USH2A: variants seen among roughly 807,000 people sequenced by gnomAD.
The protein encoded by USH2A is Usher syndrome 2A (autosomal recessive, mild).
USH2A carries 443 observed loss-of-function variants against 538.9 expected under a neutral mutation model. That is an observed-to-expected ratio of 0.82 (90% CI 0.76 to 0.89). The LOEUF is 0.89. USH2A is among the 40% of genes least tolerant of loss of function. The pLI is 0.00. For synonymous variants in USH2A, 2,413 were observed against 2,273.5 expected (o/e 1.06, Z -1.75); for missense variants, 6,633 against 6,324.8 (o/e 1.05, Z -1.65).
chr1:216,292,078 T>C (rs904070457), intron 10 of USH2A, 97 bp downstream of exon 10: 3 of 1,372,446 alleles, frequency 2.2e-6, no homozygotes, highest in Non-Finnish European at 2.1e-6. Flanking sequence ...AAGTACATCC[T>C]TAAATAAGAT....
At chr1:215,841,784 G>A (rs1663682732) in intron 46 of USH2A, among the ~76,000 whole-genome samples, 1 of 151,964 alleles carries the variant, frequency 6.6e-6, no homozygotes, top group African/African-American at 2.4e-5. Context: ...GAAAATTTTT[G>A]CAATCTATCC....
intron 48 of USH2A, 129 bp from the exon 49 acceptor site, chr1:215,814,033 T>C (rs1007435756): frequency 1.2e-5 from 13 of 1,116,058 alleles, no homozygotes; most frequent in African/African-American, 1.6e-5. Flanking sequence ...TCATATTTCG[T>C]TGGTTTAAAA....
At chr1:216,217,892 C>T (rs2035375372) in intron 14 of USH2A, among the ~76,000 whole-genome samples, 1 of 151,992 alleles carries the variant, frequency 6.6e-6, no homozygotes, top group African/African-American at 2.4e-5. Context: ...GTAAATTTTG[C>T]TTTTACAAAA....
chr1:215,708,540 G>C (rs1290597581), intron 61 of USH2A, among the ~76,000 whole-genome samples: 1 of 152,204 alleles, frequency 6.6e-6, no homozygotes, highest in Non-Finnish European at 1.5e-5. Flanking sequence ...TTCCATGGAA[G>C]GGGGAGGTGG....
intron 44 of USH2A, among the ~76,000 whole-genome samples, 175 bp downstream of exon 44, chr1:215,866,832 A>C (rs1664481967): frequency 6.6e-6 from 1 of 152,204 alleles, no homozygotes; most frequent in Admixed American, 6.5e-5. Context: ...GGTACTAATA[A>C]AAATGGCCCT....
chr1:216,095,228 G>A (rs369361712), intron 22 of USH2A, among the ~76,000 whole-genome samples: 91 of 151,680 alleles, frequency 6.0e-4, no homozygotes, highest in African/African-American at 2.1e-3. Flanking sequence ...CTTCCGATTC[G>A]CTTCTTAGTG....
Position 216,417,226 on chromosome 1 carries a change from G to A in USH2A, c.651+1288C>T, listed in dbSNP as rs76873645. Among the ~76,000 whole-genome samples, 926 of 147,014 alleles carry A rather than the reference G, an allele frequency of 6.3e-3. 11 individuals carry two copies. Among genetic ancestry groups the A allele is most frequent in the African/African-American group, 0.023 (904 of 39,728 alleles). ...AGCCAAAACAATGAACAATTATCAAGACCCTCTGAGGACGCACACTCATTA... is the reference window on the plus strand; with the variant it reads ...AGCCAAAACAATGAACAATTATCAAAACCCTCTGAGGACGCACACTCATTA... On this transcript the variant is annotated intron_variant, in intron 3 of 71. Transcript: ENST00000307340.
At chr1:216,151,228 T>A (rs2033825391) in intron 21 of USH2A, among the ~76,000 whole-genome samples, 1 of 152,148 alleles carries the variant, frequency 6.6e-6, no homozygotes, top group Non-Finnish European at 1.5e-5. Flanking sequence ...CCTAGGAGTC[T>A]GGGTACAAGA....
chr1:216,200,985 C>CTCCCTCCCTCCA (rs1558313808), intron 16 of USH2A, among the ~76,000 whole-genome samples: 1 of 66,150 alleles, frequency 1.5e-5, no homozygotes, highest in Non-Finnish European at 2.9e-5. Flanking sequence ...CCATCCCTCC[C>CTCCCTCCCTCCA]TCCCTCCCTC....
chr1:216,322,679 AT>A (rs1169075335), intron 8 of USH2A, among the ~76,000 whole-genome samples: 2 of 151,960 alleles, frequency 1.3e-5, no homozygotes, highest in East Asian at 1.9e-4. Flanking sequence ...ACATATTTCA[AT>A]TTTTTTATTT....
chr1:215,885,004 CA>C (rs1453726957), intron 41 of USH2A, among the ~76,000 whole-genome samples: 1 of 152,064 alleles, frequency 6.6e-6, no homozygotes, highest in Admixed American at 6.5e-5. Context: ...ATGATGTTAT[CA>C]TAAAAGAAGT....
At chr1:215,672,482 TG>T (rs909396910) in intron 63 of USH2A, among the ~76,000 whole-genome samples, 16 of 152,192 alleles carry the variant, frequency 1.1e-4, no homozygotes, top group African/African-American at 3.6e-4. Flanking sequence ...ACCAGTTTAT[TG>T]GTGATCAAAT....
chr1:216,422,611 T>G (rs959125485), intron 1 of USH2A, 71 bp from the exon 2 acceptor site: 1 of 420,724 alleles, frequency 2.4e-6, no homozygotes, highest in Non-Finnish European at 4.4e-6. Flanking sequence ...ATCCCAGGCC[T>G]GAGGACTTTG....
rs1404828719 is a variant in USH2A, at chr1:216,190,289, T to C, written c.4330A>G (p.Ile1444Val). Residue 1444 changes from isoleucine to valine, a missense_variant, in exon 20 of 72, where the codon ATT becomes GTT. Transcript: ENST00000307340. Reference sequence around the variant, plus strand: ...CAACCAACTGAATTGCAGAGAGTAATAGTAAACTCATATATCCTATAAGGT... The same window carrying C: ...CAACCAACTGAATTGCAGAGAGTAACAGTAAACTCATATATCCTATAAGGT... ...LKPYRIYEFTITLCNSVGCVT... is the reference protein window; with the variant it reads ...LKPYRIYEFTVTLCNSVGCVT... 2 of 1,612,512 alleles carry C rather than the reference T, an allele frequency of 1.2e-6. No homozygotes were observed. The highest frequency in any genetic ancestry group is 8.5e-7 in the Non-Finnish European group (1 of 1,179,136).
At chr1:216,143,882 T>C (rs1047656121) in intron 21 of USH2A, among the ~76,000 whole-genome samples, 5 of 152,188 alleles carry the variant, frequency 3.3e-5, no homozygotes, top group African/African-American at 1.2e-4. Context: ...GTGACTACAA[T>C]GCAAGAAGCT....
At chr1:215,996,488 T>A (rs1019259369) in intron 34 of USH2A, among the ~76,000 whole-genome samples, 1 of 151,342 alleles carries the variant, frequency 6.6e-6, no homozygotes, top group Non-Finnish European at 1.5e-5. Flanking sequence ...TAACATATTG[T>A]CTTCTTTATT....
At chr1:215,834,702 T>C (rs1228603083) in intron 47 of USH2A, among the ~76,000 whole-genome samples, 1 of 152,080 alleles carries the variant, frequency 6.6e-6, no homozygotes, top group Admixed American at 6.6e-5. Flanking sequence ...TTTTTAGTCA[T>C]ATTGTTGGTA....
Position 216,004,916 on chromosome 1 carries a change from G to A in USH2A, c.6326-4354C>T, listed in dbSNP as rs138605493. Among the ~76,000 whole-genome samples the A allele has an allele frequency of 8.9e-3, 1,362 of 152,242 alleles. 12 individuals carry two copies. Among genetic ancestry groups the A allele is most frequent in the Middle Eastern group, 0.027 (8 of 294 alleles). ...ACTATGTGGGTGCCAATACTGGTAG[G>A]TGGGTAGATGGTAGCAGAGTCTATG... On this transcript the variant is annotated intron_variant, in intron 32 of 71. Coordinates refer to ENST00000307340, the MANE Select transcript of USH2A (RefSeq NM_206933.4).
chr1:216,263,601 G>A (rs893060269), intron 11 of USH2A, among the ~76,000 whole-genome samples: 2 of 152,088 alleles, frequency 1.3e-5, no homozygotes, highest in Non-Finnish European at 2.9e-5. Flanking sequence ...CAGCAAATTA[G>A]TATGGAAGAA....
Sources: allele counts gnomAD v4.1 joint callset (sites outside exome capture counted in the v4.1 genomes callset), GRCh38; gene constraint gnomAD v4.1.1; transcripts MANE v1.5; gene names NCBI Gene and HGNC (gene_info 2026-07-23, HGNC 2026-07-21).